The following ZC3H12D variants were observed in gnomAD, a reference collection of about 807,000 sequenced individuals.
The protein encoded by ZC3H12D is zinc finger CCCH-type containing 12D.
A neutral mutation model predicts 24.2 loss-of-function variants in ZC3H12D; 11 were observed. That is an observed-to-expected ratio of 0.46 (90% CI 0.29 to 0.75). The LOEUF (loss-of-function observed/expected upper bound fraction) is 0.75, where lower values mean the gene tolerates loss of function less well. ZC3H12D is among the 30% of genes least tolerant of loss of function. ZC3H12D has a pLI of 0.11. For synonymous variants in ZC3H12D, 333 were observed against 341.8 expected, an observed-to-expected ratio of 0.97 and a Z score of 0.28; for missense variants, 740 against 767.7, an observed-to-expected ratio of 0.96 and a Z score of 0.43.
chr6:149,451,538 T>C (rs1358797553), intron 5 of ZC3H12D, 59 bp from the exon 6 acceptor site: 9 of 1,408,382 alleles, frequency 6.4e-6, no homozygotes, highest in East Asian at 5.8e-5. Context: ...GGAGGGGCGG[T>C]GGTTCCTGGT....
chr6:149,451,529 G>T, intron 5 of ZC3H12D, 50 bp from the exon 6 acceptor site: 1 of 1,468,054 alleles, frequency 6.8e-7, no homozygotes. Flanking sequence ...CGGGGGCGCG[G>T]AGGGGCGGTG....
intron 2 of ZC3H12D, among the ~76,000 whole-genome samples, chr6:149,469,491 C>T (rs1776212314): frequency 6.6e-6 from 1 of 152,018 alleles, no homozygotes; most frequent in African/African-American, 2.4e-5. Flanking sequence ...ACTGTTGGCT[C>T]GTGAGAATTC....
chr6:149,456,812 G>A lies in ZC3H12D; in HGVS notation c.534C>T (p.Tyr178=). 6.2e-7 allele frequency: 1 copy of A among 1,613,004 alleles called. No homozygotes were observed. The highest frequency in any genetic ancestry group is 8.5e-7 in the Non-Finnish European group (1 of 1,179,776). Residue 178 remains tyrosine, a synonymous_variant, in exon 4 of 6, where the codon TAC becomes TAT. Coordinates refer to ENST00000409806, the MANE Select transcript of ZC3H12D (RefSeq NM_207360.3). This position sits in a 1 kb window ranked among gnomAD's most constrained non-coding sequence, Gnocchi z 4.3. ...CCACCTTCACGATGTAGCGGTCGTC[G>A]TAGCAGACCAGGCGCTTGCCGTGCA... is the stretch of plus-strand genomic sequence containing the variant. The part of the protein sequence containing the change: ...RKVHGKRLVC[Y]DDRYIVKVAY...
At chr6:149,462,643 C>T (rs1160932813) in intron 2 of ZC3H12D, among the ~76,000 whole-genome samples, 1 of 152,232 alleles carries the variant, frequency 6.6e-6, no homozygotes, top group East Asian at 1.9e-4. Context: ...CTGGGAGAGG[C>T]CAACCCTCCC....
intron 1 of ZC3H12D, among the ~76,000 whole-genome samples, chr6:149,478,393 AT>A (rs57879307): frequency 0.15 from 21,909 of 149,864 alleles, 1,959 homozygotes; most frequent in East Asian, 0.41. Context: ...CTTCTTACTA[AT>A]TTTTTTTTTG....
At chr6:149,469,751 C>T (rs1311872802) in intron 2 of ZC3H12D, among the ~76,000 whole-genome samples, 1 of 152,144 alleles carries the variant, frequency 6.6e-6, no homozygotes, top group Non-Finnish European at 1.5e-5. Context: ...CTATTTGAGG[C>T]ACATGTGGCA....
chr6:149,450,581 C>T lies in ZC3H12D; in HGVS notation c.*102G>A, dbSNP rs116615164. 2,949 of 1,181,460 alleles carry T rather than the reference C, an allele frequency of 2.5e-3. 66 individuals are homozygous for T. The African/African-American group carries it at 0.042, about 17-fold the overall frequency. The allele number at this position is 1,181,460 out of a possible 1,614,324, so 73.2% of individuals were successfully genotyped here. A position where few individuals can be genotyped will look rare whatever the true frequency, so the allele number is the denominator to read the frequency against. On this transcript the variant is annotated 3_prime_UTR_variant, in exon 6 of 6. Transcript: ENST00000409806. ...CTGACCATCTTTAAAGAAAAGGGGG[C>T]ACCATGATGGGCCCACTCAGGTCCA...
At chr6:149,461,470 A>G (rs1296789296) in intron 3 of ZC3H12D, among the ~76,000 whole-genome samples, 1 of 152,234 alleles carries the variant, frequency 6.6e-6, no homozygotes, top group Non-Finnish European at 1.5e-5. Context: ...TTCAAATCCT[A>G]TAAACTATTA....
At position 149,480,237 on chromosome 6, in the gene ZC3H12D, C is replaced by T. The variant is rs576280379; in HGVS notation, c.-71+4576G>A. Among the ~76,000 whole-genome samples the T allele has an allele frequency of 5.3e-5, 8 of 152,292 alleles. No homozygotes were observed. In the South Asian group the frequency reaches 6.2e-4, roughly 12 times the overall value. On this transcript the variant is annotated intron_variant, in intron 1 of 5. Transcript: ENST00000409806. Reference sequence around the variant, plus strand: ...AACATTAACAATGAGCTGTAAACCACGAAGATAAGCACGTACTTTCAATTA... The same window carrying T: ...AACATTAACAATGAGCTGTAAACCATGAAGATAAGCACGTACTTTCAATTA...
chr6:149,463,654 A>G (rs1252566715), intron 2 of ZC3H12D, among the ~76,000 whole-genome samples: 1 of 152,262 alleles, frequency 6.6e-6, no homozygotes, highest in East Asian at 1.9e-4. Context: ...GGTTGTAGTG[A>G]GCCGAGATCG....
Position 149,480,022 on chromosome 6 carries a change from C to T in ZC3H12D, c.-71+4791G>A, listed in dbSNP as rs184978957. ...TTGGCCAATAATTCTACTTCCCGGA[C>T]ATTTTCCATAACCACCCTCCCCTTC... On this transcript the variant is annotated intron_variant, in intron 1 of 5. Transcript: ENST00000409806. Among the ~76,000 whole-genome samples, 43 of 152,234 alleles carry T rather than the reference C, an allele frequency of 2.8e-4. No individual in the cohort carries two copies. In the East Asian group the frequency reaches 8.1e-3, roughly 29 times the overall value.
Position 149,451,181 on chromosome 6 carries a change from G to C in ZC3H12D, c.1086C>G (p.Leu362=). ...SDDLGPLGPP[L]PVPACSLTPR... is the part of the protein sequence containing the mutation. ...GCGTGAGGCTGCAGGCGGGGACCGGGAGAGGCGGCCCCAGGGGCCCCAGGT... is the reference window on the plus strand; with the variant it reads ...GCGTGAGGCTGCAGGCGGGGACCGGCAGAGGCGGCCCCAGGGGCCCCAGGT... The change falls in exon 6 of 6, where the codon CTC becomes CTG. Residue 362 remains leucine, a synonymous_variant. Transcript: ENST00000409806. 1.5e-6 allele frequency: 2 copies of C among 1,313,116 alleles called. No individual in the cohort carries two copies. The highest frequency in any genetic ancestry group is 4.2e-5 in the Admixed American group (1 of 24,006). The allele number at this position is 1,313,116 out of a possible 1,614,324, so 81.3% of individuals were successfully genotyped here.
At chr6:149,476,789 C>T (rs1308536078) in intron 1 of ZC3H12D, among the ~76,000 whole-genome samples, 1 of 148,290 alleles carries the variant, frequency 6.7e-6, no homozygotes, top group East Asian at 2.0e-4. Flanking sequence ...GTCCAGATGA[C>T]AGAGCAAGAC....
Position 149,451,292 on chromosome 6 carries a change from T to C in ZC3H12D, c.975A>G (p.Pro325=). 7.6e-7 allele frequency: 1 copy of C among 1,315,610 alleles called. No individual in the cohort carries two copies. The highest frequency in any genetic ancestry group is 9.6e-7 in the Non-Finnish European group (1 of 1,041,376). The allele number at this position is 1,315,610 out of a possible 1,614,324, so 81.5% of individuals were successfully genotyped here. A position where few individuals can be genotyped will look rare whatever the true frequency, so the allele number is the denominator to read the frequency against. ...SAGARAAPRE[P]FAHSLPPARG... is the part of the protein sequence containing the mutation. ...GCGCCGGCGGGAGGCTGTGCGCAAA[T>C]GGTTCCCGGGGGGCCGCCCGGGCTC... Residue 325 remains proline (P), a synonymous_variant, in exon 6 of 6, where the codon CCA becomes CCG. Transcript: ENST00000409806.
At chr6:149,461,118 G>C (rs403419) in intron 3 of ZC3H12D, among the ~76,000 whole-genome samples, 1 of 151,936 alleles carries the variant, frequency 6.6e-6, no homozygotes, top group East Asian at 1.9e-4. Flanking sequence ...CGAGGTGGGC[G>C]GATCATGAAG....
chr6:149,475,069 G>A (rs1293262221), intron 1 of ZC3H12D, among the ~76,000 whole-genome samples: 1 of 152,178 alleles, frequency 6.6e-6, no homozygotes, highest in East Asian at 1.9e-4. Flanking sequence ...CTTATAAGAA[G>A]AGGAAATTTG....
chr6:149,453,921 T>A (rs896005753), intron 4 of ZC3H12D, among the ~76,000 whole-genome samples: 3 of 152,294 alleles, frequency 2.0e-5, no homozygotes, highest in East Asian at 3.9e-4. Context: ...CAGAGTTGTA[T>A]GAGCTCCTTG....
intron 5 of ZC3H12D, among the ~76,000 whole-genome samples, chr6:149,451,869 T>C (rs916930961): frequency 2.0e-5 from 3 of 152,150 alleles, no homozygotes; most frequent in Non-Finnish European, 4.4e-5. Flanking sequence ...GAGCGGGCGG[T>C]AGGGAGTGGG....
intron 1 of ZC3H12D, among the ~76,000 whole-genome samples, chr6:149,479,026 T>C (rs1165366165): frequency 1.3e-5 from 2 of 152,182 alleles, no homozygotes; most frequent in East Asian, 1.9e-4. Context: ...ACCCCTTCTC[T>C]AGAGCCATGC....
Sources: allele counts gnomAD v4.1 joint callset (sites outside exome capture counted in the v4.1 genomes callset), GRCh38; gene constraint gnomAD v4.1.1; non-coding constraint Gnocchi (gnomAD v3.1); transcripts MANE v1.5; gene names NCBI Gene and HGNC (gene_info 2026-07-23, HGNC 2026-07-21).